FAM13B: variants seen among roughly 807,000 people sequenced by gnomAD.
The protein encoded by FAM13B is family with sequence similarity 13 member B, also known as protein FAM13B.
In FAM13B, 60 loss-of-function variants were observed where a neutral mutation model predicts 117.3. That is an observed-to-expected ratio of 0.51 (90% confidence interval 0.42 to 0.63). The LOEUF (loss-of-function observed/expected upper bound fraction) is 0.63, where lower values mean the gene tolerates loss of function less well. FAM13B is among the 30% of genes least tolerant of loss of function. FAM13B has a pLI of 0.00. For synonymous variants in FAM13B, 332 were observed against 356.1 expected (o/e 0.93, Z 0.76); for missense variants, 972 against 1,091.9 (o/e 0.89, Z 1.55).
intron 10 of FAM13B, among the ~76,000 whole-genome samples, chr5:137,979,725 T>C (rs1581158740): frequency 1.3e-5 from 2 of 152,210 alleles, no homozygotes; most frequent in Admixed American, 6.5e-5. Flanking sequence ...AAGTTCAAAA[T>C]CCCCCTCATT....
Position 138,013,369 on chromosome 5 carries a change from C to T in FAM13B, c.371-1424G>A, listed in dbSNP as rs547759485. 4.4e-3 allele frequency among the ~76,000 whole-genome samples: 661 copies of T among 151,838 alleles called. 5 individuals carry two copies. Among genetic ancestry groups the T allele is most frequent in the Middle Eastern group, 6.8e-3 (2 of 294 alleles). ...ACAAAAAATTAGCTGGGTGTGTTGG[C>T]GGGTGCCTGTAGTCCCAGCTACTCA... On this transcript the variant is annotated intron_variant, in intron 4 of 23. Transcript: ENST00000689681.
At chr5:137,987,791 G>T (rs925770773) in intron 8 of FAM13B, among the ~76,000 whole-genome samples, 175 bp from the exon 9 acceptor site, 1 of 152,124 alleles carries the variant, frequency 6.6e-6, no homozygotes, top group Non-Finnish European at 1.5e-5. Context: ...AGTTTTAAAA[G>T]TAAAATTTAC....
intron 1 of FAM13B, among the ~76,000 whole-genome samples, chr5:138,041,023 C>T (rs765108117): frequency 2.1e-5 from 3 of 144,608 alleles, no homozygotes; most frequent in Non-Finnish European, 3.0e-5. Flanking sequence ...GAGATTGCGC[C>T]ACTGCACTCC....
chr5:137,968,201 G>A (rs192343240), intron 10 of FAM13B, among the ~76,000 whole-genome samples: 6 of 123,850 alleles, frequency 4.8e-5, no homozygotes. Context: ...CAATCTGGGC[G>A]ACAGAGCAAG....
chr5:137,948,343 T>C (rs537595399), intron 18 of FAM13B, among the ~76,000 whole-genome samples: 2 of 152,284 alleles, frequency 1.3e-5, no homozygotes, highest in South Asian at 4.1e-4. Context: ...GCTCAATACA[T>C]ACAGCTATTA....
At chr5:137,945,862 T>C in intron 20 of FAM13B, 40 bp downstream of exon 20, 2 of 1,472,606 alleles carry the variant, frequency 1.4e-6, no homozygotes, top group Non-Finnish European at 1.9e-6. Flanking sequence ...GAGTACATCT[T>C]GATAAAATGA....
intron 5 of FAM13B, among the ~76,000 whole-genome samples, chr5:138,011,521 G>A (rs1441151116): frequency 6.6e-6 from 1 of 151,908 alleles, no homozygotes; most frequent in African/African-American, 2.4e-5. Context: ...CCGGGTTCAC[G>A]CCATTCTCCT....
At chr5:137,944,034 C>T (rs79721412) in intron 20 of FAM13B, among the ~76,000 whole-genome samples, 1 of 152,236 alleles carries the variant, frequency 6.6e-6, no homozygotes, top group Non-Finnish European at 1.5e-5. Context: ...TTGCCTTCTC[C>T]GCCTAGCCCT....
At chr5:138,003,614 A>T (rs1781803120) in intron 7 of FAM13B, among the ~76,000 whole-genome samples, 1 of 152,146 alleles carries the variant, frequency 6.6e-6, no homozygotes, top group South Asian at 2.1e-4. Context: ...TTCCCATGGG[A>T]AACTAGCTCC....
At chr5:138,008,807 T>C (rs1783190870) in intron 6 of FAM13B, among the ~76,000 whole-genome samples, 1 of 152,238 alleles carries the variant, frequency 6.6e-6, no homozygotes, top group Admixed American at 6.5e-5. Context: ...ACCACAGGTC[T>C]ATCAAGCTCA....
In FAM13B at chr5:137,943,106, C is replaced by G. The variant is rs564239157; in HGVS notation, c.2424+27G>C. 190 of 1,612,858 alleles carry G rather than the reference C, an allele frequency of 1.2e-4. 1 individual carries two copies. The South Asian group carries it at 2.0e-3, about 17-fold the overall frequency. The stretch of plus-strand genomic sequence containing the variant: ...TGAACTCTTCCCTTAGGGAAGGGAT[C>G]AGATAATTATTTCTTTAAAGGATTA... On this transcript the variant is annotated intron_variant, in intron 21 of 23. Coordinates refer to ENST00000689681, the MANE Select transcript of FAM13B (RefSeq NM_001385994.1).
intron 18 of FAM13B, among the ~76,000 whole-genome samples, chr5:137,947,351 T>C (rs910008156): frequency 6.6e-6 from 1 of 152,232 alleles, no homozygotes; most frequent in Non-Finnish European, 1.5e-5. Flanking sequence ...TGTCAAATAC[T>C]GTGATTTCAA....
rs62383466 is a variant in FAM13B at position 138,019,680 on chromosome 5, A to T, written c.-35-534T>A. ...TTCTACATGATAAAGCAGCTGTAATAAATTTTTTTTTTTTTTTGAGACGGA... is the reference window on the plus strand; with the variant it reads ...TTCTACATGATAAAGCAGCTGTAATTAATTTTTTTTTTTTTTTGAGACGGA... On this transcript the variant is annotated intron_variant, in intron 2 of 23. Transcript: ENST00000689681. Among the ~76,000 whole-genome samples, 4 of 69,008 alleles carry T rather than the reference A, an allele frequency of 5.8e-5. No homozygotes were observed. In the Admixed American group the frequency reaches 8.4e-4, roughly 15 times the overall value. The allele number at this position is 69,008 out of a possible 152,430, so 45.3% of individuals were successfully genotyped here.
At position 138,018,237 on chromosome 5, in the gene FAM13B, T is replaced by A. The variant is rs552942949; in HGVS notation, c.370+65A>T. The A allele has an allele frequency of 1.5e-4, 196 of 1,268,044 alleles. No individual in the cohort carries two copies. In the African/African-American group the frequency reaches 2.5e-3, roughly 16 times the overall value. 78.5% of individuals were successfully genotyped at this position (1,268,044 alleles called of 1,614,324 possible). A position where few individuals can be genotyped will look rare whatever the true frequency, so the allele number is the denominator to read the frequency against. ...TACTTACTGTTTACATGTCAAGATT[T>A]CTAAAAGGTAAAGACTAGGAAATTA... On this transcript the variant is annotated intron_variant, in intron 4 of 23. Coordinates refer to ENST00000689681, the MANE Select transcript of FAM13B (RefSeq NM_001385994.1).
In FAM13B at chr5:137,988,282, G is replaced by T; in HGVS notation, c.882C>A (p.Ala294=). The T allele has an allele frequency of 6.4e-7, 1 of 1,553,352 alleles. No individual in the cohort carries two copies. The highest frequency in any genetic ancestry group is 8.6e-7 in the Non-Finnish European group (1 of 1,160,588). ...THISPISILP[A]STDILERTIR... The stretch of plus-strand genomic sequence containing the variant: ...ATAAATATACTACTTACTCTGTAGA[G>T]GCTGGTAGGATGCTGATGGGAGATA... Residue 294 remains alanine, a synonymous_variant, in exon 8 of 24, where the codon GCC becomes GCA. Coordinates refer to ENST00000689681, the MANE Select transcript of FAM13B (RefSeq NM_001385994.1).
rs576608912 is a variant in FAM13B, at chr5:138,032,597, T to C, written c.-203+185A>G. ...AGGGACACGGCTTCATCTTCCTCTTTCTCCAGCGGAAAGGGGGCCCTCTCC... is the reference window on the plus strand; with the variant it reads ...AGGGACACGGCTTCATCTTCCTCTTCCTCCAGCGGAAAGGGGGCCCTCTCC... On this transcript the variant is annotated intron_variant, in intron 1 of 23. Transcript: ENST00000689681. Among the ~76,000 whole-genome samples, 156 of 152,208 alleles carry C rather than the reference T, an allele frequency of 1.0e-3. 1 individual carries two copies. The highest frequency in any genetic ancestry group is 3.7e-3 in the African/African-American group (152 of 41,544).
rs1216318539 is a variant in FAM13B, at chr5:138,049,222, G to A, written c.-203+2656C>T. Among the ~76,000 whole-genome samples the A allele has an allele frequency of 3.9e-5, 6 of 152,128 alleles. No homozygotes were observed. In the East Asian group the frequency reaches 5.8e-4, roughly 15 times the overall value. On this transcript the variant is annotated intron_variant, in intron 1 of 3. Coordinates refer to the FAM13B transcript ENST00000502471. ...CTCCCAAAGTGCTGGGATTACAGGC[G>A]TGAGCCACTGTGCCTGGCTTCAGAG...
chr5:138,038,645 C>G (rs1581327105), intron 1 of FAM13B: 2 of 152,134 alleles, frequency 1.3e-5, no homozygotes, highest in Admixed American at 1.3e-4. Context: ...GACCATTGTG[C>G]CAGTGTGCAA....
At chr5:137,986,377 CCTTTACCTTCCTATGAAT>C (rs1777210737) in intron 9 of FAM13B, among the ~76,000 whole-genome samples, 1 of 147,938 alleles carries the variant, frequency 6.8e-6, no homozygotes, top group African/African-American at 2.5e-5. Flanking sequence ...CTTTTTTTTT[CCTTTACCTTCCTATGAAT>C]CTTCTAGATT....
Sources: gnomAD v4.1 joint callset for allele counts (sites outside exome capture counted in the v4.1 genomes callset) on GRCh38, gnomAD v4.1.1 for gene constraint, MANE v1.5 for transcripts, NCBI Gene and HGNC (gene_info 2026-07-23, HGNC 2026-07-21) for gene names.